ANKRD29: variants seen among roughly 807,000 people sequenced by gnomAD.
The protein encoded by ANKRD29 is ankyrin repeat domain-containing protein 29.
In ANKRD29, 32 loss-of-function variants were observed where a neutral mutation model predicts 38.0. That is an observed-to-expected ratio of 0.84 (90% CI 0.64 to 1.13). The LOEUF (loss-of-function observed/expected upper bound fraction) is 1.13. Among genes scored for constraint, ANKRD29 ranks in the 50% most tolerant of loss-of-function variants. The pLI, the probability that ANKRD29 is intolerant of heterozygous loss-of-function variation, is 0.00. For missense variants in ANKRD29, 357 were observed against 377.9 expected (o/e 0.94, Z 0.46); for synonymous variants, 135 against 152.4 (o/e 0.89, Z 0.84).
chr18:23,634,128 C>T lies in ANKRD29; in HGVS notation c.352G>A (p.Ala118Thr). ...TGCATGTGCCCGTACTGACTGGCAG[C>T]CAACAGGGCGGTGCCCCCGTCCTAT... ...RTKDGGTALLAASQYGHMQVV... is the reference protein window; with the variant it reads ...RTKDGGTALLTASQYGHMQVV... Residue 118 changes from alanine to threonine, a missense_variant, in exon 5 of 10, where the codon GCT becomes ACT. Coordinates refer to ENST00000592179, the MANE Select transcript of ANKRD29 (RefSeq NM_173505.4). 1 of 1,614,140 alleles carries T rather than the reference C, an allele frequency of 6.2e-7. No individual in the cohort carries two copies.
In ANKRD29 at chr18:23,649,083, G is replaced by A. The variant is rs374359345; in HGVS notation, c.132C>T (p.Ser44=). 3.1e-6 allele frequency: 5 copies of A among 1,613,614 alleles called. No individual in the cohort carries two copies. Among genetic ancestry groups the A allele is most frequent in the Admixed American group, 1.7e-5 (1 of 59,928 alleles). Residue 44 remains serine, a splice_region_variant and synonymous_variant, in exon 2 of 10, where the codon AGC becomes AGT. Coordinates refer to ENST00000592179, the MANE Select transcript of ANKRD29 (RefSeq NM_173505.4). ...SGRVDVDCRD[S]HGTTLLMVAA... The stretch of plus-strand genomic sequence containing the variant: ...GCATGCATCTACCGAACCACCGTAC[G>A]CTGTCTCTGCAGTCCACGTCCACCC...
intron 5 of ANKRD29, among the ~76,000 whole-genome samples, chr18:23,633,082 C>A (rs1385759056): frequency 6.6e-6 from 1 of 152,136 alleles, no homozygotes; most frequent in African/African-American, 2.4e-5. Flanking sequence ...ATGAGACTGT[C>A]AAGTCTATTC....
chr18:23,624,014 T>C (rs1025060826), intron 6 of ANKRD29, among the ~76,000 whole-genome samples: 19 of 152,074 alleles, frequency 1.2e-4, no homozygotes, highest in Admixed American at 1.2e-3. Flanking sequence ...TCAATTTAGC[T>C]CCTTTTTGTA....
At chr18:23,649,849 C>G (rs928619428) in intron 1 of ANKRD29, among the ~76,000 whole-genome samples, 1 of 152,134 alleles carries the variant, frequency 6.6e-6, no homozygotes, top group African/African-American at 2.4e-5. Context: ...CCTGCCTCAG[C>G]CTTCTGAGTA....
intron 1 of ANKRD29, among the ~76,000 whole-genome samples, chr18:23,662,260 C>A (rs141377558): frequency 6.6e-6 from 1 of 152,330 alleles, no homozygotes; most frequent in East Asian, 1.9e-4. Context: ...CACCTTTGGA[C>A]CCTGAAGCCT....
chr18:23,650,550 C>T (rs984651739), intron 1 of ANKRD29, among the ~76,000 whole-genome samples: 6 of 152,130 alleles, frequency 3.9e-5, no homozygotes, highest in Non-Finnish European at 7.4e-5. Flanking sequence ...GACTGTAGTA[C>T]AATCTTCTTC....
chr18:23,650,000 T>C (rs777581007), intron 1 of ANKRD29, among the ~76,000 whole-genome samples: 14 of 152,232 alleles, frequency 9.2e-5, no homozygotes, highest in African/African-American at 2.7e-4. Flanking sequence ...AGTGCTGGGA[T>C]TACAGGTGTG....
chr18:23,620,341 C>T (rs1304781895), intron 6 of ANKRD29, among the ~76,000 whole-genome samples: 2 of 152,104 alleles, frequency 1.3e-5, no homozygotes, highest in African/African-American at 4.8e-5. Context: ...ATTTCCTCTG[C>T]GTATATTTGG....
intron 8 of ANKRD29, among the ~76,000 whole-genome samples, chr18:23,615,912 CTATATAGTATGTATATATTATATAG>C (rs1018378809): frequency 2.1e-5 from 3 of 142,958 alleles, no homozygotes; most frequent in Admixed American, 7.1e-5. Flanking sequence ...ATAGTATATA[CTATATAGTATGTATATATTATATAG>C]TATATAATAT....
chr18:23,604,763 T>A (rs887575856), intron 9 of ANKRD29, among the ~76,000 whole-genome samples: 2 of 151,936 alleles, frequency 1.3e-5, no homozygotes, highest in Non-Finnish European at 2.9e-5. Flanking sequence ...TTTCTTGACC[T>A]CATGATCCAC....
Position 23,608,976 on chromosome 18 carries a change from C to T in ANKRD29, c.822+3116G>A, listed in dbSNP as rs145315161. Among the ~76,000 whole-genome samples the T allele has an allele frequency of 1.2e-3, 181 of 152,208 alleles. 2 individuals carry two copies. The highest frequency in any genetic ancestry group is 3.9e-3 in the African/African-American group (162 of 41,524). On this transcript the variant is annotated intron_variant, in intron 9 of 9. Coordinates refer to ENST00000592179, the MANE Select transcript of ANKRD29 (RefSeq NM_173505.4). ...AATTAGCCTGGCATGCCCCTGTAAT[C>T]CCAGCTACTCGGAAGGCTGAGGCAG...
In ANKRD29 at chr18:23,659,171, G is replaced by A. The variant is rs547335035; in HGVS notation, c.21+3539C>T. ...TAATTTTTGTATTTTTAGTAGAGAC[G>A]GGGTTTCACCACGTTGGCCAGGCTG... On this transcript the variant is annotated intron_variant, in intron 1 of 9. Transcript: ENST00000592179. 7.2e-5 allele frequency among the ~76,000 whole-genome samples: 11 copies of A among 152,132 alleles called. No homozygotes were observed. In the East Asian group the frequency reaches 9.7e-4, roughly 13 times the overall value.
At chr18:23,612,864 G>C (rs1231300385) in intron 8 of ANKRD29, among the ~76,000 whole-genome samples, 1 of 152,146 alleles carries the variant, frequency 6.6e-6, no homozygotes, top group Non-Finnish European at 1.5e-5. Flanking sequence ...ACGGAGAGGA[G>C]GGGAGGAGAC....
chr18:23,604,665 G>A (rs900223271), intron 9 of ANKRD29, among the ~76,000 whole-genome samples: 1 of 152,052 alleles, frequency 6.6e-6, no homozygotes, highest in Non-Finnish European at 1.5e-5. Flanking sequence ...CGAGTAGCTG[G>A]GACTACAGGA....
intron 6 of ANKRD29, among the ~76,000 whole-genome samples, chr18:23,628,381 T>TA (rs1475182391): frequency 6.6e-6 from 1 of 152,178 alleles, no homozygotes; most frequent in African/African-American, 2.4e-5. Flanking sequence ...AGACCAACCT[T>TA]AAAGTTCTCA....
chr18:23,647,318 T>C (rs2060151934), intron 2 of ANKRD29: 1 of 152,222 alleles, frequency 6.6e-6, no homozygotes, highest in Non-Finnish European at 1.5e-5. Flanking sequence ...ATGGTTAACA[T>C]AGTAATGGTA....
rs376371804 is a variant in ANKRD29 at position 23,661,113 on chromosome 18, C to T, written c.21+1597G>A. 1.1e-4 allele frequency among the ~76,000 whole-genome samples: 17 copies of T among 152,328 alleles called. No individual in the cohort carries two copies. The East Asian group carries it at 2.5e-3, about 22-fold the overall frequency. ...GCACATGCTTCTGAGTTTTCTCATT[C>T]GTCTCTGGCTGCTCTTTCTCAAATC... On this transcript the variant is annotated intron_variant, in intron 1 of 9. Transcript: ENST00000592179.
At chr18:23,648,025 A>AG (rs1256729101) in intron 2 of ANKRD29, 1 of 152,654 alleles carries the variant, frequency 6.6e-6, no homozygotes, top group Non-Finnish European at 1.5e-5. Flanking sequence ...CCAGGGGGGA[A>AG]GGGAGCGGCT....
intron 6 of ANKRD29, among the ~76,000 whole-genome samples, chr18:23,622,379 C>T (rs899466982): frequency 1.6e-4 from 24 of 152,106 alleles, no homozygotes; most frequent in Non-Finnish European, 2.9e-4. Flanking sequence ...TCCCTCCGTG[C>T]CTGCTCTGGG....
Sources: gnomAD v4.1 joint callset for allele counts (sites outside exome capture counted in the v4.1 genomes callset) on GRCh38, gnomAD v4.1.1 for gene constraint, MANE v1.5 for transcripts, NCBI Gene and HGNC (gene_info 2026-07-23, HGNC 2026-07-21) for gene names.